The following FAT4 variants were observed in gnomAD, a reference collection of about 807,000 sequenced individuals.
The protein encoded by FAT4 is protocadherin Fat 4.
Under a neutral mutation model 303.9 loss-of-function variants are expected in FAT4, and 84 were observed. The ratio of observed to expected loss-of-function variants is 0.28; its 90% CI spans 0.23 to 0.33. FAT4 has a LOEUF of 0.33. FAT4 is among the 10% of genes least tolerant of loss of function. The pLI is 1.00. For synonymous variants in FAT4, 2,307 were observed against 2,298.8 expected (o/e 1.00, Z -0.10); for missense variants, 6,005 against 6,146.8 (o/e 0.98, Z 0.77).
intron 7 of FAT4, among the ~76,000 whole-genome samples, chr4:125,425,744 A>G (rs1410732538): frequency 6.6e-6 from 1 of 152,056 alleles, no homozygotes; most frequent in Non-Finnish European, 1.5e-5. Flanking sequence ...TCTGCGCACA[A>G]ATTAAATATG....
chr4:125,385,197 A>G (rs1435502652), intron 2 of FAT4, among the ~76,000 whole-genome samples: 7 of 151,328 alleles, frequency 4.6e-5, no homozygotes, highest in African/African-American at 1.5e-4. Context: ...AATTTTTTGT[A>G]TATTTAGTAG....
At position 125,490,796 on chromosome 4, in the gene FAT4, C is replaced by G; in HGVS notation, c.13980C>G (p.Gly4660=). The change falls in exon 18 of 18, where the codon GGC becomes GGG. Residue 4660 remains glycine (G), a synonymous_variant. Coordinates refer to ENST00000394329, the MANE Select transcript of FAT4 (RefSeq NM_001291303.3). ...KFSIQRHSPL[G]FARQSPMPLG... is the part of the protein sequence containing the mutation. ...CAATCCAGAGGCACAGTCCCCTAGG[C>G]TTTGCAAGGCAATCCCCCATGCCCT... 6.2e-7 allele frequency: 1 copy of G among 1,614,140 alleles called. No individual in the cohort carries two copies. The highest frequency in any genetic ancestry group is 1.1e-5 in the South Asian group (1 of 91,078).
intron 3 of FAT4, among the ~76,000 whole-genome samples, chr4:125,405,088 G>A (rs1734539541): frequency 6.6e-6 from 1 of 151,670 alleles, no homozygotes; most frequent in Non-Finnish European, 1.5e-5. Flanking sequence ...GTTCCAATAA[G>A]CATTTCCTTT....
At chr4:125,393,360 G>C (rs995293828) in intron 2 of FAT4, among the ~76,000 whole-genome samples, 1 of 152,056 alleles carries the variant, frequency 6.6e-6, no homozygotes, top group Non-Finnish European at 1.5e-5. Context: ...TGCTATTTTA[G>C]TCATTTCCTT....
chr4:125,439,796 C>T (rs1251308557), intron 8 of FAT4, among the ~76,000 whole-genome samples: 1 of 152,108 alleles, frequency 6.6e-6, no homozygotes, highest in African/African-American at 2.4e-5. Context: ...CATAAGTTAG[C>T]GTATCTACAG....
chr4:125,489,588 T>A (rs1727533039), intron 17 of FAT4, among the ~76,000 whole-genome samples: 1 of 152,064 alleles, frequency 6.6e-6, no homozygotes, highest in African/African-American at 2.4e-5. Context: ...AGGAAGGAAA[T>A]TGATAAATAA....
At chr4:125,478,001 T>G (rs1727092501) in intron 14 of FAT4, among the ~76,000 whole-genome samples, 1 of 152,156 alleles carries the variant, frequency 6.6e-6, no homozygotes, top group African/African-American at 2.4e-5. Flanking sequence ...TTTTGACTGC[T>G]TAGTATCCCA....
intron 16 of FAT4, among the ~76,000 whole-genome samples, chr4:125,483,330 A>G (rs1305772036): frequency 6.6e-6 from 1 of 152,214 alleles, no homozygotes; most frequent in Non-Finnish European, 1.5e-5. Context: ...TATAAGAAAC[A>G]TATTTTATAT....
intron 2 of FAT4, among the ~76,000 whole-genome samples, chr4:125,398,252 TAGAA>T (rs1228720199): frequency 6.6e-6 from 1 of 152,114 alleles, no homozygotes; most frequent in African/African-American, 2.4e-5. Flanking sequence ...CGAGTGGAAA[TAGAA>T]AGAAAAGATG....
At chr4:125,453,895 C>T (rs562871540) in intron 10 of FAT4, among the ~76,000 whole-genome samples, 1 of 152,214 alleles carries the variant, frequency 6.6e-6, no homozygotes, top group African/African-American at 2.4e-5. Context: ...TCCATATATA[C>T]ATAGATCTCT....
rs138154372 is a variant in FAT4 at position 125,357,464 on chromosome 4, A to T, written c.5175+35878A>T. Among the ~76,000 whole-genome samples, 569 of 152,266 alleles carry T rather than the reference A, an allele frequency of 3.7e-3. 2 individuals are homozygous for T. The highest frequency in any genetic ancestry group is 0.013 in the African/African-American group (543 of 41,562). Reference sequence around the variant, plus strand: ...TAGATTATTCGGGTACTTTAATAGTAACAAAGGAATCAAATGGAATTTTAA... The same window carrying T: ...TAGATTATTCGGGTACTTTAATAGTTACAAAGGAATCAAATGGAATTTTAA... On this transcript the variant is annotated intron_variant, in intron 2 of 17. Coordinates refer to ENST00000394329, the MANE Select transcript of FAT4 (RefSeq NM_001291303.3).
intron 7 of FAT4, among the ~76,000 whole-genome samples, chr4:125,418,541 A>T (rs186525391): frequency 6.6e-6 from 1 of 152,268 alleles, no homozygotes; most frequent in East Asian, 1.9e-4. Flanking sequence ...TACATTACTA[A>T]ATTACAAAAC....
intron 7 of FAT4, among the ~76,000 whole-genome samples, chr4:125,430,069 G>A (rs1725230448): frequency 2.6e-5 from 4 of 151,670 alleles, no homozygotes; most frequent in Non-Finnish European, 5.9e-5. Context: ...TAAATGATGA[G>A]TTAATGGGTG....
chr4:125,407,669 T>A (rs1206529070), intron 4 of FAT4, among the ~76,000 whole-genome samples: 1 of 152,126 alleles, frequency 6.6e-6, no homozygotes, highest in African/African-American at 2.4e-5. Context: ...GGCTTGGGTA[T>A]TAGCAAATGC....
In FAT4 at chr4:125,387,556, C is replaced by T. The variant is rs530500416; in HGVS notation, c.5176-11228C>T. 3.9e-5 allele frequency among the ~76,000 whole-genome samples: 6 copies of T among 152,250 alleles called. 1 individual carries two copies. The South Asian group carries it at 1.2e-3, about 32-fold the overall frequency. On this transcript the variant is annotated intron_variant, in intron 2 of 17. Transcript: ENST00000394329. ...TCTCCCCAATCTATGATTCGTTCCT[C>T]TTGGATCATGTATTCCCACCACTCC...
chr4:125,322,860 C>A (rs540740444), intron 2 of FAT4, among the ~76,000 whole-genome samples: 1 of 151,746 alleles, frequency 6.6e-6, no homozygotes, highest in East Asian at 1.9e-4. Context: ...AAGGGGAATT[C>A]AATTTTATCT....
rs1365118659 is a variant in FAT4 at position 125,318,667 on chromosome 4, C to T, written c.2256C>T (p.Asp752=). ...TTATTTCTACAAGAATGGCCCTAGA[C>T]AGAGAAGAAAAAACAGCTTATCAGT... ...SGVISTRMAL[D]REEKTAYQLQ... The change falls in exon 2 of 18, where the codon GAC becomes GAT. Residue 752 remains aspartate (D), a synonymous_variant. Transcript: ENST00000394329. 3 of 1,613,934 alleles carry T rather than the reference C, an allele frequency of 1.9e-6. No homozygotes were observed. In the African/African-American group the frequency reaches 4.0e-5, roughly 22 times the overall value.
rs201791309 is a variant in FAT4, at chr4:125,448,593, G to A, written c.7583G>A (p.Gly2528Glu). The change falls in exon 10 of 18, where the codon GGA becomes GAA. Residue 2528 changes from glycine (G) to glutamate (E), a missense_variant. Physicochemically the swap from Gly to Glu is moderately conservative, Grantham distance 98. Transcript: ENST00000394329. The part of the protein sequence containing the change: ...DPLRGAIMAA[G>E]PLNGASEVTF... ...CTGAGGGGAGCCATTATGGCCGCCG[G>A]ACCACTAAACGGAGCTTCAGAAGTG... 3.1e-6 allele frequency: 5 copies of A among 1,613,918 alleles called. No individual in the cohort carries two copies. Among genetic ancestry groups the A allele is most frequent in the East Asian group, 4.5e-5 (2 of 44,870 alleles).
chr4:125,347,762 C>A lies in FAT4; in HGVS notation c.5175+26176C>A, dbSNP rs550490886. 1.6e-3 allele frequency among the ~76,000 whole-genome samples: 244 copies of A among 151,810 alleles called. 1 individual carries two copies. Among genetic ancestry groups the A allele is most frequent in the African/African-American group, 5.8e-3 (241 of 41,482 alleles). On this transcript the variant is annotated intron_variant, in intron 2 of 17. Transcript: ENST00000394329. ...ATAAAATACTAAGATGATTTCAGTA[C>A]ATACTTACTAAAATTTTAAGAAGAC...
Sources: allele counts gnomAD v4.1 joint callset (sites outside exome capture counted in the v4.1 genomes callset), GRCh38; gene constraint gnomAD v4.1.1; transcripts MANE v1.5; gene names NCBI Gene and HGNC (gene_info 2026-07-23, HGNC 2026-07-21).